Variants in ZNF561 observed in about 807,000 individuals in gnomAD.
ZNF561 encodes the protein zinc finger protein 561.
Under a neutral mutation model 16.7 loss-of-function variants are expected in ZNF561, and 16 were observed. That is an observed-to-expected ratio of 0.96 (90% CI 0.65 to 1.45). ZNF561 has a LOEUF of 1.45. Among genes scored for constraint, ZNF561 ranks in the 40% most tolerant of loss-of-function variants. The pLI is 0.00. For synonymous variants in ZNF561, 190 were observed against 192.1 expected (o/e 0.99, Z 0.09); for missense variants, 580 against 578.0 (o/e 1.00, Z -0.04).
At chr19:9,613,907 A>C in intron 5 of ZNF561, 114 bp downstream of exon 5, 1 of 1,328,158 alleles carries the variant, frequency 7.5e-7, no homozygotes, top group Non-Finnish European at 1.1e-6. Context: ...TCAGCCTCCC[A>C]AATAGCTGGG....
At chr19:9,618,223 C>T (rs774017882) in intron 2 of ZNF561, 44 bp from the exon 3 acceptor site, 3 of 1,499,490 alleles carry the variant, frequency 2.0e-6, no homozygotes, top group African/African-American at 2.8e-5. Flanking sequence ...AGCTGCCCAT[C>T]CTTCCCACAT....
chr19:9,613,003 C>G (rs1051424322), intron 5 of ZNF561, among the ~76,000 whole-genome samples: 1 of 151,948 alleles, frequency 6.6e-6, no homozygotes, highest in African/African-American at 2.4e-5. Context: ...GTTGACCAGG[C>G]TGGTCTTGAA....
rs1179450909 is a variant in ZNF561 at position 9,619,503 on chromosome 19, A to G, written c.-47T>C. On this transcript the variant is annotated 5_prime_UTR_variant, in exon 2 of 6. Coordinates refer to ENST00000302851, the MANE Select transcript of ZNF561 (RefSeq NM_152289.3). ...TGATGTGCATCCCTTCCTTGATGCC[A>G]AGATCACCTCAGGCCAGCTTATGAA... 5.0e-6 allele frequency: 8 copies of G among 1,608,470 alleles called. No homozygotes were observed. In the East Asian group the frequency reaches 1.8e-4, roughly 36 times the overall value.
chr19:9,612,022 G>C (rs2074468126), intron 5 of ZNF561, among the ~76,000 whole-genome samples: 1 of 151,982 alleles, frequency 6.6e-6, no homozygotes, highest in Non-Finnish European at 1.5e-5. Context: ...CTGCCTCCCA[G>C]GTTCAAGTGA....
rs2144872391 is a variant in ZNF561 at position 9,611,170 on chromosome 19, G to A, written c.491C>T (p.Thr164Ile). 1 of 1,613,994 alleles carries A rather than the reference G, an allele frequency of 6.2e-7. No individual in the cohort carries two copies. The highest frequency in any genetic ancestry group is 8.5e-7 in the Non-Finnish European group (1 of 1,179,878). ...DTLSVHKEAS[T>I]GQELSKFNPC... Reference sequence around the variant, plus strand: ...ATTAAATTTGGAAAGTTCCTGTCCAGTAGAGGCTTCCTTGTGCACACTGAG... The same window carrying A: ...ATTAAATTTGGAAAGTTCCTGTCCAATAGAGGCTTCCTTGTGCACACTGAG... Residue 164 changes from threonine (T) to isoleucine (I), a missense_variant, in exon 6 of 6, where the codon ACT (threonine) becomes ATT (isoleucine). By Grantham distance (89) the Thr-to-Ile change is moderately conservative. Coordinates refer to ENST00000302851, the MANE Select transcript of ZNF561 (RefSeq NM_152289.3).
rs1433027991 is a variant in ZNF561 at position 9,617,925 on chromosome 19, G to A, written c.114+166C>T. ...ACTGATTTTCAAGTTAACATTTTAT[G>A]TATAGGAGACTTCATTCCCTGGGGA... is the stretch of plus-strand genomic sequence containing the variant. On this transcript the variant is annotated intron_variant, in intron 3 of 5. Transcript: ENST00000302851. 2.0e-5 allele frequency: 13 copies of A among 657,372 alleles called. No homozygotes were observed. The East Asian group carries it at 3.1e-4, about 15-fold the overall frequency. 40.7% of individuals were successfully genotyped at this position (657,372 alleles called of 1,614,324 possible).
rs140819781 is a variant in ZNF561 at position 9,617,953 on chromosome 19, T to C, written c.114+138A>G. 5,041 of 788,354 alleles carry C rather than the reference T, an allele frequency of 6.4e-3. 28 individuals carry two copies. The highest frequency in any genetic ancestry group is 8.7e-3 in the Non-Finnish European group (4,208 of 484,680). 48.8% of individuals were successfully genotyped at this position (788,354 alleles called of 1,614,324 possible). On this transcript the variant is annotated intron_variant, in intron 3 of 5. Coordinates refer to ENST00000302851, the MANE Select transcript of ZNF561 (RefSeq NM_152289.3). Reference sequence around the variant, plus strand: ...TAGGAGACTTCATTCCCTGGGGAAATTCATCTGGGGACTCAGTCCTTGAGT... The same window carrying C: ...TAGGAGACTTCATTCCCTGGGGAAACTCATCTGGGGACTCAGTCCTTGAGT...
rs535872061 is a variant in ZNF561, at chr19:9,619,369, G to A, written c.25+63C>T. On this transcript the variant is annotated intron_variant, in intron 2 of 5. Transcript: ENST00000302851. The stretch of plus-strand genomic sequence containing the variant: ...CCTGCTCAGGCTCAGCTCACTGGAC[G>A]CTTGTGTTGTGGAGGGTGACCTAAA... The A allele has an allele frequency of 4.1e-5, 64 of 1,572,534 alleles. 1 individual carries two copies. In the African/African-American group the frequency reaches 5.4e-4, roughly 13 times the overall value.
intron 4 of ZNF561, 100 bp from the exon 5 acceptor site, chr19:9,614,203 A>G: frequency 2.1e-6 from 3 of 1,460,534 alleles, no homozygotes; most frequent in East Asian, 4.6e-5. Flanking sequence ...CAGCAATAAA[A>G]TAAAAGCCAG....
At chr19:9,616,130 T>G (rs2074549137) in intron 4 of ZNF561, among the ~76,000 whole-genome samples, 1 of 152,194 alleles carries the variant, frequency 6.6e-6, no homozygotes, top group South Asian at 2.1e-4. Context: ...TTTCCAGGAT[T>G]ACCACAGTAA....
chr19:9,618,634 G>A (rs1027075603), intron 2 of ZNF561, among the ~76,000 whole-genome samples: 1 of 151,986 alleles, frequency 6.6e-6, no homozygotes, highest in Non-Finnish European at 1.5e-5. Flanking sequence ...GCTGAGGCAG[G>A]AGAATGGTGT....
intron 1 of ZNF561, among the ~76,000 whole-genome samples, chr19:9,619,877 C>CTATCTATATCTATCTATCTATA (rs59946816): frequency 6.7e-6 from 1 of 148,766 alleles, no homozygotes; most frequent in Non-Finnish European, 1.5e-5. Context: ...CTATCTATAT[C>CTATCTATATCTATCTATCTATA]TATCTATCTA....
At chr19:9,612,453 C>T (rs897639399) in intron 5 of ZNF561, among the ~76,000 whole-genome samples, 7 of 151,712 alleles carry the variant, frequency 4.6e-5, no homozygotes, top group Admixed American at 4.6e-4. Flanking sequence ...CTGCTGACCT[C>T]ATGATCTGCC....
Position 9,618,112 on chromosome 19 carries a change from G to C in ZNF561, c.93C>G (p.Asp31Glu). 1 of 1,551,262 alleles carries C rather than the reference G, an allele frequency of 6.4e-7. No individual in the cohort carries two copies. The highest frequency in any genetic ancestry group is 1.2e-5 in the South Asian group (1 of 84,062). The change falls in exon 3 of 6, where the codon GAC (aspartate) becomes GAG (glutamate). Residue 31 changes from aspartate to glutamate, a missense_variant. By Grantham distance (45) the Asp-to-Glu change is conservative. Coordinates refer to ENST00000302851, the MANE Select transcript of ZNF561 (RefSeq NM_152289.3). Reference protein sequence around the residue: ...EKTKVERMVEDYLASGYQDSV... With the variant: ...EKTKVERMVEEYLASGYQDSV... ...TTACCTGATAACCACTTGCCAGGTAGTCCTCCACCATCCTTTCTACCTTTG... is the reference window on the plus strand; with the variant it reads ...TTACCTGATAACCACTTGCCAGGTACTCCTCCACCATCCTTTCTACCTTTG...
At chr19:9,619,974 G>C (rs1179079911) in intron 1 of ZNF561, among the ~76,000 whole-genome samples, 1 of 143,094 alleles carries the variant, frequency 7.0e-6, no homozygotes, top group African/African-American at 2.7e-5. Context: ...TGTTGCCCAG[G>C]TTGAAATCCA....
At chr19:9,615,486 A>C (rs918204339) in intron 4 of ZNF561, among the ~76,000 whole-genome samples, 3 of 151,990 alleles carry the variant, frequency 2.0e-5, no homozygotes, top group Admixed American at 6.6e-5. Context: ...AATCCCAGCT[A>C]CTCAGGAGGC....
chr19:9,611,590 G>A (rs1402987449), intron 5 of ZNF561, among the ~76,000 whole-genome samples: 1 of 151,984 alleles, frequency 6.6e-6, no homozygotes, highest in Non-Finnish European at 1.5e-5. Context: ...AGGAATACAG[G>A]TGTGCACCAC....
chr19:9,617,399 TTGC>T, intron 3 of ZNF561: 1 of 988,742 alleles, frequency 1.0e-6, no homozygotes, highest in Non-Finnish European at 1.3e-6. Flanking sequence ...AAATCTTTTT[TTGC>T]TGATCTATTT....
intron 4 of ZNF561, among the ~76,000 whole-genome samples, chr19:9,616,322 C>A (rs61604825): frequency 0.096 from 14,574 of 152,150 alleles, 952 homozygotes; most frequent in South Asian, 0.18. Flanking sequence ...CACTGTGTCG[C>A]CCCGGCAGGA....
Sources: allele counts gnomAD v4.1 joint callset (sites outside exome capture counted in the v4.1 genomes callset), GRCh38; gene constraint gnomAD v4.1.1; transcripts MANE v1.5; gene names NCBI Gene and HGNC (gene_info 2026-07-23, HGNC 2026-07-21).